SLC12A6: variants seen among roughly 807,000 people sequenced by gnomAD.
The protein encoded by SLC12A6 is K-Cl cotransporter 3.
A neutral mutation model predicts 135.3 loss-of-function variants in SLC12A6; 66 were observed. The observed-to-expected ratio is 0.49, with a 90% CI of 0.40 to 0.60. SLC12A6 has a LOEUF of 0.60. Among genes scored for constraint, SLC12A6 ranks in the 20% least tolerant of loss-of-function variants. The pLI is 0.00. For missense variants in SLC12A6, 1,058 were observed against 1,452.3 expected (o/e 0.73, Z 4.41); for synonymous variants, 513 against 508.8 (o/e 1.01, Z -0.11).
chr15:34,283,173 T>C (rs1399694197), intron 2 of SLC12A6, among the ~76,000 whole-genome samples: 1 of 151,940 alleles, frequency 6.6e-6, no homozygotes, highest in Non-Finnish European at 1.5e-5. Flanking sequence ...TGAAACCCCA[T>C]CTCAACTAAA....
Position 34,337,606 on chromosome 15 carries a change from C to G in SLC12A6, c.-347G>C, listed in dbSNP as rs1397926402. On this transcript the variant is annotated 5_prime_UTR_variant, in exon 1 of 26. Transcript: ENST00000354181. ...GGAGGCGCGTTCTCCCCTACCCCCGCCCCGGCGCAGGTCACCCCCTCGTCG... is the reference window on the plus strand; with the variant it reads ...GGAGGCGCGTTCTCCCCTACCCCCGGCCCGGCGCAGGTCACCCCCTCGTCG... 6.6e-6 allele frequency: 1 copy of G among 152,498 alleles called. No homozygotes were observed. The highest frequency in any genetic ancestry group is 1.5e-5 in the Non-Finnish European group (1 of 68,226). 9.4% of individuals were successfully genotyped at this position (152,498 alleles called of 1,614,324 possible). A position where few individuals can be genotyped will look rare whatever the true frequency, so the allele number is the denominator to read the frequency against.
At chr15:34,316,876 A>C (rs1888688932) in intron 2 of SLC12A6, among the ~76,000 whole-genome samples, 1 of 152,252 alleles carries the variant, frequency 6.6e-6, no homozygotes, top group South Asian at 2.1e-4. Context: ...AATGAGGTAC[A>C]GATGGACTTC....
chr15:34,299,385 A>G (rs1896090459), intron 2 of SLC12A6, among the ~76,000 whole-genome samples: 2 of 152,210 alleles, frequency 1.3e-5, no homozygotes, highest in South Asian at 4.1e-4. Context: ...TTCAACAAAT[A>G]TTTACTAAGC....
chr15:34,233,869 A>T lies in SLC12A6; in HGVS notation c.*12T>A. 6.8e-7 allele frequency: 1 copy of T among 1,478,182 alleles called. No homozygotes were observed. Among genetic ancestry groups the T allele is most frequent in the Non-Finnish European group, 9.5e-7 (1 of 1,055,694 alleles). 91.6% of individuals were successfully genotyped at this position (1,478,182 alleles called of 1,614,324 possible). On this transcript the variant is annotated 3_prime_UTR_variant, in exon 26 of 26. Transcript: ENST00000354181. ...TTAAGAAAACAGGTCAAGCACGGTC[A>T]TTCAGAGTAGGTTATGAATAAATGG...
intron 2 of SLC12A6, among the ~76,000 whole-genome samples, chr15:34,317,608 CA>C (rs750598779): frequency 3.5e-4 from 54 of 152,196 alleles, no homozygotes; most frequent in Non-Finnish European, 7.1e-4. Flanking sequence ...GAGGCTGAGG[CA>C]AAAGAATCGC....
intron 6 of SLC12A6, among the ~76,000 whole-genome samples, chr15:34,257,080 G>A (rs1390833431): frequency 6.6e-6 from 1 of 152,150 alleles, no homozygotes; most frequent in Non-Finnish European, 1.5e-5. Context: ...GATAAAAAAG[G>A]ACAGTAGAAA....
intron 19 of SLC12A6, among the ~76,000 whole-genome samples, chr15:34,239,656 T>C (rs926208584): frequency 2.6e-5 from 4 of 152,218 alleles, no homozygotes; most frequent in Non-Finnish European, 5.9e-5. Flanking sequence ...CTTTTTGACA[T>C]TTTAATGGTG....
At chr15:34,260,510 G>A (rs569311853) in intron 4 of SLC12A6, among the ~76,000 whole-genome samples, 6 of 152,242 alleles carry the variant, frequency 3.9e-5, no homozygotes, top group African/African-American at 1.2e-4. Flanking sequence ...CACCCGCCTC[G>A]GCCTCCCAAA....
At chr15:34,251,173 G>GT in intron 10 of SLC12A6, 116 bp from the exon 11 acceptor site, 1 of 780,378 alleles carries the variant, frequency 1.3e-6, no homozygotes. Flanking sequence ...CTAAAGGTGT[G>GT]TTTGCTTCTA....
intron 2 of SLC12A6, among the ~76,000 whole-genome samples, chr15:34,287,144 C>T (rs116310500): frequency 1.3e-5 from 2 of 151,970 alleles, no homozygotes; most frequent in African/African-American, 2.4e-5. Context: ...CCTTCCCTAC[C>T]CCCCCGGGCT....
chr15:34,239,297 A>C, intron 19 of SLC12A6, 137 bp from the exon 20 acceptor site: 1 of 720,802 alleles, frequency 1.4e-6, no homozygotes, highest in Admixed American at 2.2e-5. Flanking sequence ...AAGTCCAAAA[A>C]GTTAAAATTA....
At chr15:34,336,062 C>A (rs1301359946) in intron 2 of SLC12A6, among the ~76,000 whole-genome samples, 1 of 152,204 alleles carries the variant, frequency 6.6e-6, no homozygotes, top group Non-Finnish European at 1.5e-5. Context: ...ATCCAACTCA[C>A]TAAATTTTAA....
chr15:34,247,295 A>C (rs942202155), intron 13 of SLC12A6, among the ~76,000 whole-genome samples: 1 of 152,136 alleles, frequency 6.6e-6, no homozygotes, highest in African/African-American at 2.4e-5. Context: ...AGGCGGGTGG[A>C]TCACGAGGTC....
intron 2 of SLC12A6, among the ~76,000 whole-genome samples, chr15:34,294,268 T>C (rs1449708371): frequency 6.6e-6 from 1 of 152,188 alleles, no homozygotes; most frequent in African/African-American, 2.4e-5. Flanking sequence ...AGTCTTGCTC[T>C]GTCACCCAGG....
At chr15:34,268,700 C>T (rs1893690242) in intron 3 of SLC12A6, among the ~76,000 whole-genome samples, 1 of 152,044 alleles carries the variant, frequency 6.6e-6, no homozygotes, top group Non-Finnish European at 1.5e-5. Context: ...ATAATCTTTA[C>T]TCTGCAGGAA....
intron 2 of SLC12A6, among the ~76,000 whole-genome samples, chr15:34,304,051 C>A (rs1041198150): frequency 6.6e-6 from 1 of 152,198 alleles, no homozygotes; most frequent in Admixed American, 6.5e-5. Context: ...CTCTACCCAT[C>A]AGCAGGCTAA....
At chr15:34,236,617 C>T (rs545835824) in intron 23 of SLC12A6, 91 bp downstream of exon 23, 14 of 853,342 alleles carry the variant, frequency 1.6e-5, no homozygotes, top group Non-Finnish European at 2.7e-5. Context: ...GCTGGGATTA[C>T]AGGCGTGAGC....
In SLC12A6 at chr15:34,239,094, G is replaced by T; in HGVS notation, c.2503C>A (p.Leu835Met). 1 of 1,614,070 alleles carries T rather than the reference G, an allele frequency of 6.2e-7. No homozygotes were observed. The change falls in exon 20 of 26, where the codon CTG becomes ATG. Residue 835 changes from leucine (L) to methionine (M), a missense_variant. Leu to Met is a conservative substitution (Grantham distance 15, BLOSUM62 2). Coordinates refer to ENST00000354181, the MANE Select transcript of SLC12A6 (RefSeq NM_001365088.1). ...ATGAGGTGGGAAATGCCCTCTCTCAGCTTGGCGGCCACCACCAGCTGGCAG... is the reference window on the plus strand; with the variant it reads ...ATGAGGTGGGAAATGCCCTCTCTCATCTTGGCGGCCACCACCAGCTGGCAG... Reference protein sequence around the residue: ...GFCQLVVAAKLREGISHLIQS... With the variant: ...GFCQLVVAAKMREGISHLIQS...
At chr15:34,285,694 G>A (rs1284454449) in intron 2 of SLC12A6, among the ~76,000 whole-genome samples, 119 of 2,998 alleles carry the variant, frequency 0.04, no homozygotes, top group African/African-American at 0.18. Flanking sequence ...TGTGCTATAT[G>A]TGTGTGTGTG....
Sources: allele counts gnomAD v4.1 joint callset (sites outside exome capture counted in the v4.1 genomes callset), GRCh38; gene constraint gnomAD v4.1.1; transcripts MANE v1.5; gene names NCBI Gene and HGNC (gene_info 2026-07-23, HGNC 2026-07-21).